GRID2: variants seen among roughly 807,000 people sequenced by gnomAD.
The protein encoded by GRID2 is glutamate ionotropic receptor delta type subunit 2.
In GRID2, 33 loss-of-function variants were observed where a neutral mutation model predicts 114.8. That is an observed-to-expected ratio of 0.29 (90% CI 0.22 to 0.38). The LOEUF (loss-of-function observed/expected upper bound fraction) is 0.38. GRID2 is among the 10% of genes least tolerant of loss of function. The pLI is 1.00. For synonymous variants in GRID2, 505 were observed against 449.9 expected (o/e 1.12, Z -1.55); for missense variants, 1,184 against 1,257.7 (o/e 0.94, Z 0.89).
chr4:93,090,701 T>C (rs1462918758), intron 3 of GRID2, among the ~76,000 whole-genome samples: 1 of 152,146 alleles, frequency 6.6e-6, no homozygotes, highest in East Asian at 1.9e-4. Context: ...GAAAATTTCT[T>C]ATGGCTACCC....
At chr4:93,124,198 A>AGGCAAGG (rs1241676530) in intron 4 of GRID2, among the ~76,000 whole-genome samples, 1 of 152,118 alleles carries the variant, frequency 6.6e-6, no homozygotes, top group Non-Finnish European at 1.5e-5. Flanking sequence ...CAGTCATGGA[A>AGGCAAGG]GGCAAGGACA....
At chr4:93,449,500 T>G (rs1202508207) in intron 10 of GRID2, among the ~76,000 whole-genome samples, 1 of 152,108 alleles carries the variant, frequency 6.6e-6, no homozygotes, top group Non-Finnish European at 1.5e-5. Flanking sequence ...CAGATGTGTT[T>G]TAGATGATTA....
intron 1 of GRID2, among the ~76,000 whole-genome samples, chr4:92,562,806 C>A (rs1026314563): frequency 1.1e-4 from 17 of 152,076 alleles, no homozygotes; most frequent in African/African-American, 4.1e-4. Flanking sequence ...TTTACTAAGG[C>A]TATATTAAAA....
rs573661154 is a variant in GRID2, at chr4:92,794,209, G to A, written c.244+203923G>A. Among the ~76,000 whole-genome samples, 5 of 151,694 alleles carry A rather than the reference G, an allele frequency of 3.3e-5. No individual in the cohort carries two copies. The East Asian group carries it at 9.8e-4, about 30-fold the overall frequency. On this transcript the variant is annotated intron_variant, in intron 2 of 15. Transcript: ENST00000282020. ...AAGCTCACTGTAGCCTCCAACTCCT[G>A]GGCTCAAGTGATCCTCCCAAACTGG...
chr4:93,483,561 G>A (rs1726077242), intron 11 of GRID2, among the ~76,000 whole-genome samples: 1 of 151,890 alleles, frequency 6.6e-6, no homozygotes, highest in Admixed American at 6.6e-5. Flanking sequence ...TACTCACACA[G>A]AATAAGACTT....
chr4:93,362,439 A>C (rs1030263075), intron 8 of GRID2, among the ~76,000 whole-genome samples: 7 of 151,778 alleles, frequency 4.6e-5, no homozygotes, highest in Non-Finnish European at 8.8e-5. Context: ...ACTTTGTCTT[A>C]AATGTTTGGC....
At chr4:93,123,127 CG>C (rs1733949180) in intron 4 of GRID2, among the ~76,000 whole-genome samples, 1 of 151,832 alleles carries the variant, frequency 6.6e-6, no homozygotes, top group Non-Finnish European at 1.5e-5. Flanking sequence ...CCCAAATTAC[CG>C]CTCTTGTGAC....
In GRID2 at chr4:93,612,451, G is replaced by A. The variant is rs1459703585; in HGVS notation, c.2194-13818G>A. On this transcript the variant is annotated intron_variant, in intron 13 of 15. Transcript: ENST00000282020. ...GCATGATTTTGCAGCGGCTGGTACCGGTTGTTCCTTTCCATGTTTAGCGCT... is the reference window on the plus strand; with the variant it reads ...GCATGATTTTGCAGCGGCTGGTACCAGTTGTTCCTTTCCATGTTTAGCGCT... Among the ~76,000 whole-genome samples, 978 of 135,094 alleles carry A rather than the reference G, an allele frequency of 7.2e-3. 19 individuals carry two copies. Among genetic ancestry groups the A allele is most frequent in the African/African-American group, 0.025 (894 of 35,598 alleles). The allele number at this position is 135,094 out of a possible 152,430, so 88.6% of individuals were successfully genotyped here.
intron 4 of GRID2, among the ~76,000 whole-genome samples, chr4:93,161,314 G>A (rs574218598): frequency 1.9e-4 from 29 of 151,810 alleles, no homozygotes; most frequent in African/African-American, 3.4e-4. Context: ...TCTGAGGTTT[G>A]AGCAGAAATG....
intron 4 of GRID2, among the ~76,000 whole-genome samples, chr4:93,113,928 G>C (rs1333016756): frequency 6.6e-6 from 1 of 152,138 alleles, no homozygotes; most frequent in Non-Finnish European, 1.5e-5. Flanking sequence ...AAAGGGCTAG[G>C]GAAGGAATGG....
chr4:93,061,747 T>C lies in GRID2; in HGVS notation c.245-23248T>C, dbSNP rs182076178. ...TCTGGTGCAGCTACCAAAAGTATCTTTTTCCACACTAGAACACATTTTGCT... is the reference window on the plus strand; with the variant it reads ...TCTGGTGCAGCTACCAAAAGTATCTCTTTCCACACTAGAACACATTTTGCT... On this transcript the variant is annotated intron_variant, in intron 2 of 15. Transcript: ENST00000282020. 3.3e-5 allele frequency among the ~76,000 whole-genome samples: 5 copies of C among 152,234 alleles called. No homozygotes were observed. In the East Asian group the frequency reaches 7.7e-4, roughly 24 times the overall value.
chr4:93,029,415 C>A (rs992249138), intron 2 of GRID2, among the ~76,000 whole-genome samples: 2 of 151,924 alleles, frequency 1.3e-5, no homozygotes, highest in Non-Finnish European at 2.9e-5. Context: ...CAAATGTGAG[C>A]TTCTTAAATA....
At chr4:92,722,888 T>TATAGG (rs35698891) in intron 2 of GRID2, among the ~76,000 whole-genome samples, 1 of 151,428 alleles carries the variant, frequency 6.6e-6, no homozygotes, top group Non-Finnish European at 1.5e-5. Flanking sequence ...TTTATAATAA[T>TATAGG]AATAGAAAAG....
intron 3 of GRID2, among the ~76,000 whole-genome samples, chr4:93,109,779 C>T (rs1732591603): frequency 6.6e-6 from 1 of 152,032 alleles, no homozygotes; most frequent in South Asian, 2.1e-4. Context: ...CTATATTAAG[C>T]TTGTATTGTG....
chr4:92,943,288 T>A (rs1751324669), intron 2 of GRID2, among the ~76,000 whole-genome samples: 2 of 152,178 alleles, frequency 1.3e-5, no homozygotes, highest in South Asian at 4.1e-4. Context: ...CTTTTTTCTC[T>A]GAACTTCTCT....
At chr4:92,320,198 T>A (rs1055250844) in intron 1 of GRID2, among the ~76,000 whole-genome samples, 7 of 152,188 alleles carry the variant, frequency 4.6e-5, no homozygotes, top group African/African-American at 1.7e-4. Context: ...TCCCCTTTCC[T>A]GCCTCAGATG....
chr4:92,436,482 GCTA>G (rs1732738968), intron 1 of GRID2, among the ~76,000 whole-genome samples: 1 of 152,036 alleles, frequency 6.6e-6, no homozygotes, highest in South Asian at 2.1e-4. Flanking sequence ...TTTATGAAAT[GCTA>G]CTACTATTTA....
chr4:92,400,614 C>T (rs1276682546), intron 1 of GRID2, among the ~76,000 whole-genome samples: 2 of 152,038 alleles, frequency 1.3e-5, no homozygotes, highest in Non-Finnish European at 2.9e-5. Context: ...ATTACCTTAC[C>T]TTACACCTGG....
chr4:93,193,447 T>G (rs1278429573), intron 4 of GRID2, among the ~76,000 whole-genome samples: 1 of 152,078 alleles, frequency 6.6e-6, no homozygotes, highest in Non-Finnish European at 1.5e-5. Flanking sequence ...CGAGATCTGA[T>G]GGTTTTATAG....
Sources: allele counts gnomAD v4.1 joint callset (sites outside exome capture counted in the v4.1 genomes callset), GRCh38; gene constraint gnomAD v4.1.1; transcripts MANE v1.5; gene names NCBI Gene and HGNC (gene_info 2026-07-23, HGNC 2026-07-21).